The following FLT1 variants were observed in gnomAD, a reference collection of about 807,000 sequenced individuals.
FLT1 encodes fms related receptor tyrosine kinase 1, also known as vascular endothelial growth factor receptor 1.
In FLT1, 49 loss-of-function variants were observed where a neutral mutation model predicts 156.3. That is an observed-to-expected ratio of 0.31 (90% confidence interval 0.25 to 0.40). FLT1 has a LOEUF of 0.40. Among genes scored for constraint, FLT1 ranks in the 10% least tolerant of loss-of-function variants. The pLI is 1.00. For missense variants in FLT1, 1,322 were observed against 1,637.2 expected (o/e 0.81, Z 3.32); for synonymous variants, 594 against 583.8 (o/e 1.02, Z -0.25).
intron 18 of FLT1, among the ~76,000 whole-genome samples, chr13:28,333,750 A>G (rs1239269395): frequency 6.6e-6 from 1 of 152,184 alleles, no homozygotes; most frequent in African/African-American, 2.4e-5. Flanking sequence ...CTTGTTGTCT[A>G]CAGTCTGTGA....
chr13:28,326,114 T>A (rs1217566855), intron 20 of FLT1, among the ~76,000 whole-genome samples: 2 of 152,180 alleles, frequency 1.3e-5, no homozygotes, highest in Non-Finnish European at 2.9e-5. Flanking sequence ...AGGTCAATGA[T>A]GTTGATGATG....
intron 27 of FLT1, among the ~76,000 whole-genome samples, chr13:28,309,661 AC>A (rs960996646): frequency 4.0e-5 from 4 of 100,674 alleles, no homozygotes; most frequent in South Asian, 4.1e-4. Flanking sequence ...CATGCCACCC[AC>A]CCCCCCTCCC....
At chr13:28,368,798 G>C in intron 14 of FLT1, 1 of 563,932 alleles carries the variant, frequency 1.8e-6, no homozygotes. Flanking sequence ...TCCACCTTCC[G>C]GGTTCAAGCG....
In FLT1 at chr13:28,302,402, G is replaced by T. The variant is rs61763575; in HGVS notation, c.*765C>A. On this transcript the variant is annotated 3_prime_UTR_variant, in exon 30 of 30. Transcript: ENST00000282397. ...AGTGCTACAAATCAAAACATGCCACGAATGAGAATGGACATAGAACCACTT... is the reference window on the plus strand; with the variant it reads ...AGTGCTACAAATCAAAACATGCCACTAATGAGAATGGACATAGAACCACTT... 1 of 233,164 alleles carries T rather than the reference G, an allele frequency of 4.3e-6. No individual in the cohort carries two copies. Among genetic ancestry groups the T allele is most frequent in the African/African-American group, 2.2e-5 (1 of 45,340 alleles). 14.4% of individuals were successfully genotyped at this position (233,164 alleles called of 1,614,324 possible).
chr13:28,494,838 G>A lies in FLT1; in HGVS notation c.6C>T (p.Val2=). The A allele has an allele frequency of 6.4e-7, 1 of 1,562,626 alleles. No homozygotes were observed. The highest frequency in any genetic ancestry group is 8.6e-7 in the Non-Finnish European group (1 of 1,160,322). The part of the protein sequence containing the change: M[V]SYWDTGVLLC... ...GCAGGACCCCGGTGTCCCAGTAGCT[G>A]ACCATGGTGAGCGCGACGCGGCCTG... is the stretch of plus-strand genomic sequence containing the variant. Residue 2 remains valine (V), a synonymous_variant, in exon 1 of 30, where the codon GTC becomes GTT. Transcript: ENST00000282397.
At chr13:28,368,640 A>G in intron 14 of FLT1, 1 of 1,186,690 alleles carries the variant, frequency 8.4e-7, no homozygotes, top group Non-Finnish European at 1.2e-6. Flanking sequence ...GACGATGACG[A>G]TGGTGACGTT....
intron 14 of FLT1, among the ~76,000 whole-genome samples, chr13:28,358,491 T>C (rs569282053): frequency 1.3e-5 from 2 of 152,356 alleles, no homozygotes; most frequent in Admixed American, 6.5e-5. Flanking sequence ...TAAGGATTAC[T>C]ACAGAGCACA....
In FLT1 at chr13:28,372,898, T is replaced by A. The variant is rs373667377; in HGVS notation, c.2116+11987A>T. ...TCTGTCTCAAAAATAAATAAATAAA[T>A]AAAATAAAAATGAAACATTAAGACA... On this transcript the variant is annotated intron_variant, in intron 14 of 29. Transcript: ENST00000282397. Among the ~76,000 whole-genome samples, 12 of 151,506 alleles carry A rather than the reference T, an allele frequency of 7.9e-5. No individual in the cohort carries two copies. In the East Asian group the frequency reaches 1.2e-3, roughly 15 times the overall value.
At chr13:28,303,500 C>CCCA (rs1555297837) in intron 29 of FLT1, 132 bp from the exon 30 acceptor site, 23 of 785,656 alleles carry the variant, frequency 2.9e-5, no homozygotes, top group Non-Finnish European at 4.4e-5. Context: ...GAACCCCCCC[C>CCCA]CCCTCAATTG....
chr13:28,345,666 A>G, intron 15 of FLT1, 115 bp from the exon 16 acceptor site: 2 of 721,430 alleles, frequency 2.8e-6, no homozygotes. Flanking sequence ...TAGCGAACCC[A>G]ATCTGCTGCC....
In FLT1 at chr13:28,390,103, A is replaced by G. The variant is rs1874618680; in HGVS notation, c.1662T>C (p.Asp554=). Residue 554 remains aspartate, a splice_region_variant and synonymous_variant, in exon 13 of 30, where the codon GAT becomes GAC. Transcript: ENST00000282397. The part of the protein sequence containing the change: ...VGRNISFYIT[D]VPNGFHVNLE... ...AGTTAACATGAAACCCATTTGGCAC[A>G]TCTATAAAATAAGAATAAAGAACTT... 2 of 1,612,616 alleles carry G rather than the reference A, an allele frequency of 1.2e-6. No individual in the cohort carries two copies.
intron 8 of FLT1, among the ~76,000 whole-genome samples, chr13:28,429,254 T>A (rs1877533208): frequency 6.6e-6 from 1 of 152,182 alleles, no homozygotes; most frequent in South Asian, 2.1e-4. Context: ...AACACTGCCC[T>A]CATATGACAT....
chr13:28,435,799 T>C (rs546365512), intron 4 of FLT1, among the ~76,000 whole-genome samples: 10 of 152,282 alleles, frequency 6.6e-5, no homozygotes, highest in Admixed American at 6.5e-4. Context: ...TATGAAGAAC[T>C]GAAAGCAATT....
At chr13:28,349,637 G>C (rs983216928) in intron 15 of FLT1, among the ~76,000 whole-genome samples, 1 of 152,120 alleles carries the variant, frequency 6.6e-6, no homozygotes, top group African/African-American at 2.4e-5. Flanking sequence ...GATGCTTCCC[G>C]CATGGAATGC....
At chr13:28,329,590 A>C in intron 19 of FLT1, 25 bp downstream of exon 19, 1 of 1,504,166 alleles carries the variant, frequency 6.6e-7, no homozygotes, top group Non-Finnish European at 9.3e-7. Context: ...GGGGAGACGG[A>C]GCCGGCCCTC....
At chr13:28,323,798 C>T (rs536555335) in intron 20 of FLT1, among the ~76,000 whole-genome samples, 1 of 152,144 alleles carries the variant, frequency 6.6e-6, no homozygotes, top group Non-Finnish European at 1.5e-5. Flanking sequence ...GTGCTTCACT[C>T]TGTAATCCCT....
chr13:28,477,819 T>G (rs1253228391), intron 1 of FLT1, among the ~76,000 whole-genome samples: 1 of 152,186 alleles, frequency 6.6e-6, no homozygotes, highest in Admixed American at 6.5e-5. Flanking sequence ...TGGATCATAA[T>G]TGCCAGTAGT....
chr13:28,348,553 G>T (rs1016128386), intron 15 of FLT1, among the ~76,000 whole-genome samples: 2 of 152,116 alleles, frequency 1.3e-5, no homozygotes, highest in Non-Finnish European at 2.9e-5. Context: ...TCATCAGCTT[G>T]GGCGAATGAA....
Position 28,467,444 on chromosome 13 carries a change from C to A in FLT1, c.161+77G>T, listed in dbSNP as rs17086710. On this transcript the variant is annotated intron_variant, in intron 2 of 29. Transcript: ENST00000282397. ...TCACAGGAGATCACTGAGGTCCCTA[C>A]CTTTTTACTCTGCCAGGGAATGATT... The A allele has an allele frequency of 8.1e-3, 7,932 of 984,046 alleles. 378 individuals carry two copies. In the African/African-American group the frequency reaches 0.11, roughly 13 times the overall value. The allele number at this position is 984,046 out of a possible 1,614,324, so 61.0% of individuals were successfully genotyped here.
Sources: allele counts gnomAD v4.1 joint callset (sites outside exome capture counted in the v4.1 genomes callset), GRCh38; gene constraint gnomAD v4.1.1; transcripts MANE v1.5; gene names NCBI Gene and HGNC (gene_info 2026-07-23, HGNC 2026-07-21).